Variants in PIGK observed in about 807,000 individuals in gnomAD.
The protein encoded by PIGK is phosphatidylinositol glycan anchor biosynthesis class K.
A neutral mutation model predicts 50.6 loss-of-function variants in PIGK; 42 were observed. The observed-to-expected ratio is 0.83, with a 90% confidence interval of 0.65 to 1.07. The LOEUF is 1.07. Among genes scored for constraint, PIGK ranks in the 50% least tolerant of loss-of-function variants. PIGK has a pLI of 0.00. For missense variants in PIGK, 448 were observed against 488.7 expected, an observed-to-expected ratio of 0.92 and a Z score of 0.78; for synonymous variants, 151 against 156.0, an observed-to-expected ratio of 0.97 and a Z score of 0.24.
chr1:77,183,055 G>C (rs1655657689), intron 3 of PIGK, among the ~76,000 whole-genome samples: 1 of 152,162 alleles, frequency 6.6e-6, no homozygotes, highest in African/African-American at 2.4e-5. Flanking sequence ...CTCCTGTAGA[G>C]AAAGAGTTGA....
chr1:77,101,895 T>C (rs1653550418), intron 10 of PIGK, among the ~76,000 whole-genome samples: 1 of 151,990 alleles, frequency 6.6e-6, no homozygotes, highest in Non-Finnish European at 1.5e-5. Context: ...TCCCAGCTAC[T>C]TGGGAGGGGG....
At chr1:77,179,371 A>C (rs1655560263) in intron 3 of PIGK, among the ~76,000 whole-genome samples, 2 of 152,238 alleles carry the variant, frequency 1.3e-5, no homozygotes, top group East Asian at 3.8e-4. Flanking sequence ...GCTACATTTG[A>C]GTCCTTGTGG....
At chr1:77,149,937 A>C (rs1192366080) in intron 9 of PIGK, among the ~76,000 whole-genome samples, 2 of 152,180 alleles carry the variant, frequency 1.3e-5, no homozygotes, top group Non-Finnish European at 2.9e-5. Flanking sequence ...GTCAATAACA[A>C]GAGGACCTTT....
intron 10 of PIGK, among the ~76,000 whole-genome samples, chr1:77,099,107 AT>A (rs762322283): frequency 5.9e-5 from 9 of 152,126 alleles, no homozygotes; most frequent in Non-Finnish European, 1.3e-4. Flanking sequence ...ACAGGAAGGA[AT>A]CTATAGTCAC....
chr1:77,102,659 A>C (rs1373709536), intron 10 of PIGK, among the ~76,000 whole-genome samples: 2 of 152,194 alleles, frequency 1.3e-5, no homozygotes, highest in Non-Finnish European at 2.9e-5. Context: ...TGACCTTCAG[A>C]ACTGTAAAAC....
rs1324371295 is a variant in PIGK, at chr1:77,092,285, C to T, written c.*89G>A. 1.5e-5 allele frequency: 9 copies of T among 611,470 alleles called. No individual in the cohort carries two copies. The East Asian group carries it at 2.2e-4, about 15-fold the overall frequency. The allele number at this position is 611,470 out of a possible 1,614,324, so 37.9% of individuals were successfully genotyped here. ...TCCTTATACTTATTTCCAATTCATA[C>T]AAGAGAAACACATTTTTAAAAATAT... On this transcript the variant is annotated 3_prime_UTR_variant, in exon 11 of 11. Coordinates refer to ENST00000370812, the MANE Select transcript of PIGK (RefSeq NM_005482.3).
intron 9 of PIGK, chr1:77,129,119 T>C: frequency 9.5e-7 from 1 of 1,051,128 alleles, no homozygotes; most frequent in Non-Finnish European, 1.5e-6. Context: ...TGAAAATGGT[T>C]CGCTACTCAC....
chr1:77,176,219 G>GAA (rs1356521928), intron 3 of PIGK, among the ~76,000 whole-genome samples: 1 of 152,044 alleles, frequency 6.6e-6, no homozygotes, highest in Non-Finnish European at 1.5e-5. Context: ...TGTTTGATAG[G>GAA]CTTCCTAAAA....
At chr1:77,165,372 G>A (rs1426420303) in intron 5 of PIGK, among the ~76,000 whole-genome samples, 2 of 151,844 alleles carry the variant, frequency 1.3e-5, no homozygotes, top group Non-Finnish European at 2.9e-5. Context: ...ACTCTATTGA[G>A]TTAATTTATA....
chr1:77,116,585 TGTGTGTGTGTGCGC>T (rs1044858007), intron 10 of PIGK, among the ~76,000 whole-genome samples: 2 of 106,052 alleles, frequency 1.9e-5, no homozygotes, highest in African/African-American at 1.1e-4. Context: ...TGTGTGTGTG[TGTGTGTGTGTGCGC>T]GTGTGTGTGT....
At chr1:77,101,738 G>A (rs1230437369) in intron 10 of PIGK, among the ~76,000 whole-genome samples, 1 of 152,114 alleles carries the variant, frequency 6.6e-6, no homozygotes, top group South Asian at 2.1e-4. Flanking sequence ...AGGTGCGGTG[G>A]CTCACACCTG....
chr1:77,136,559 A>G (rs1654523699), intron 9 of PIGK, among the ~76,000 whole-genome samples: 3 of 151,252 alleles, frequency 2.0e-5, no homozygotes, highest in Admixed American at 1.3e-4. Context: ...AAAAAAAAAA[A>G]AGATGTTTGC....
chr1:77,179,706 ACTC>A (rs1430457868), intron 3 of PIGK, among the ~76,000 whole-genome samples: 1 of 151,760 alleles, frequency 6.6e-6, no homozygotes, highest in African/African-American at 2.4e-5. Context: ...GCTCAATTAA[ACTC>A]CTTTAAATTT....
At chr1:77,117,190 T>C (rs1449053632) in intron 10 of PIGK, among the ~76,000 whole-genome samples, 1 of 152,224 alleles carries the variant, frequency 6.6e-6, no homozygotes, top group Non-Finnish European at 1.5e-5. Context: ...CTCACCATGA[T>C]GGCACAATCT....
chr1:77,179,441 T>C (rs1026823193), intron 3 of PIGK, among the ~76,000 whole-genome samples: 3 of 152,296 alleles, frequency 2.0e-5, no homozygotes, highest in Admixed American at 1.3e-4. Flanking sequence ...AGGAGTATGC[T>C]CCTGTAACAA....
intron 9 of PIGK, among the ~76,000 whole-genome samples, chr1:77,133,117 C>G (rs540517643): frequency 6.6e-6 from 1 of 152,198 alleles, no homozygotes; most frequent in Non-Finnish European, 1.5e-5. Flanking sequence ...TATTTTCAAT[C>G]TGTCATCTAG....
At chr1:77,143,730 C>T (rs926827165) in intron 9 of PIGK, among the ~76,000 whole-genome samples, 1 of 152,114 alleles carries the variant, frequency 6.6e-6, no homozygotes, top group Admixed American at 6.5e-5. Context: ...TCTGGTACAA[C>T]ACAATTTCCA....
intron 3 of PIGK, among the ~76,000 whole-genome samples, chr1:77,193,284 T>TGTGTGTGTGTGTG (rs1655954057): frequency 9.3e-5 from 14 of 150,884 alleles, no homozygotes; most frequent in African/African-American, 2.7e-4. Flanking sequence ...TGTGTGTGTG[T>TGTGTGTGTGTGTG]TTCTCCTAAG....
chr1:77,197,878 G>A (rs1189043498), intron 3 of PIGK, among the ~76,000 whole-genome samples: 1 of 152,064 alleles, frequency 6.6e-6, no homozygotes, highest in African/African-American at 2.4e-5. Flanking sequence ...ATTAAACAAA[G>A]TTATTTAACA....
Sources: gnomAD v4.1 joint callset for allele counts (sites outside exome capture counted in the v4.1 genomes callset) on GRCh38, gnomAD v4.1.1 for gene constraint, MANE v1.5 for transcripts, NCBI Gene and HGNC (gene_info 2026-07-23, HGNC 2026-07-21) for gene names.